Variants in UNC79 observed in about 807,000 individuals in gnomAD.
UNC79 encodes the protein protein unc-79 homolog.
Under a neutral mutation model 283.1 loss-of-function variants are expected in UNC79, and 37 were observed. That is an observed-to-expected ratio of 0.13 (90% CI 0.10 to 0.17). UNC79 has a LOEUF of 0.17. UNC79 is among the 10% of genes least tolerant of loss of function. UNC79 has a pLI of 1.00. For synonymous variants in UNC79, 1,107 were observed against 1,200.2 expected, an observed-to-expected ratio of 0.92 and a Z score of 1.61; for missense variants, 2,272 against 3,211.1, an observed-to-expected ratio of 0.71 and a Z score of 7.07.
chr14:93,694,621 A>G (rs1479484485), intron 47 of UNC79, among the ~76,000 whole-genome samples: 1 of 152,182 alleles, frequency 6.6e-6, no homozygotes, highest in Non-Finnish European at 1.5e-5. Context: ...CCTGGGTTAA[A>G]TCTATCAGAC....
At chr14:93,513,820 T>G (rs1225836931) in intron 7 of UNC79, among the ~76,000 whole-genome samples, 1 of 152,232 alleles carries the variant, frequency 6.6e-6, no homozygotes, top group Admixed American at 6.5e-5. Flanking sequence ...TCTGCCCTTC[T>G]CTTCCCAAGG....
chr14:93,559,731 C>CG (rs2062425873), intron 14 of UNC79, among the ~76,000 whole-genome samples: 1 of 152,056 alleles, frequency 6.6e-6, no homozygotes, highest in Admixed American at 6.6e-5. Context: ...AGGCAGGAAC[C>CG]GACCATTTTC....
intron 1 of UNC79, among the ~76,000 whole-genome samples, chr14:93,404,624 A>G (rs1044215465): frequency 1.3e-5 from 2 of 148,496 alleles, no homozygotes; most frequent in African/African-American, 4.9e-5. Context: ...GAGATTACAG[A>G]AAAATTTATA....
rs71129655 is a variant in UNC79 at position 93,698,476 on chromosome 14, G to GTTTTTTTTTTTT, written c.7548+4080_7548+4091dup. 2.3e-4 allele frequency among the ~76,000 whole-genome samples: 18 copies of GTTTTTTTTTTTT among 79,112 alleles called. 4 individuals carry two copies. The highest frequency in any genetic ancestry group is 3.3e-4 in the Non-Finnish European group (13 of 39,090). The allele number at this position is 79,112 out of a possible 152,430, so 51.9% of individuals were successfully genotyped here. A position where few individuals can be genotyped will look rare whatever the true frequency, so the allele number is the denominator to read the frequency against. ...TGGTAATATTTTTAGTTTAGTTTAG[G>GTTTTTTTTTTTT]TTTTTTTTTTTTTTTTTTTTTTTTT... is the stretch of plus-strand genomic sequence containing the variant. On this transcript the variant is annotated intron_variant, in intron 47 of 48. Coordinates refer to ENST00000555664, the Ensembl canonical transcript of UNC79.
Position 93,563,570 on chromosome 14 carries a change from G to T in UNC79, c.1756-8324G>T, listed in dbSNP as rs543653984. On this transcript the variant is annotated intron_variant, in intron 14 of 48. Coordinates refer to ENST00000555664, the Ensembl canonical transcript of UNC79. ...GCTTGCTGAGAGGTAGTGCAGCGGG[G>T]GCAGAGCAGTAGCCTCAATGATAGA... is the stretch of plus-strand genomic sequence containing the variant. Among the ~76,000 whole-genome samples, 463 of 152,254 alleles carry T rather than the reference G, an allele frequency of 3.0e-3. 1 individual carries two copies. Among genetic ancestry groups the T allele is most frequent in the Non-Finnish European group, 5.2e-3 (356 of 68,018 alleles).
At chr14:93,661,204 T>G (rs1566880352) in intron 39 of UNC79, among the ~76,000 whole-genome samples, 1 of 152,232 alleles carries the variant, frequency 6.6e-6, no homozygotes, top group Non-Finnish European at 1.5e-5. Flanking sequence ...TTATTTATAG[T>G]AAAATGTGAC....
chr14:93,549,457 A>G (rs1049766082), intron 14 of UNC79, among the ~76,000 whole-genome samples: 75 of 152,228 alleles, frequency 4.9e-4, no homozygotes, highest in Non-Finnish European at 2.6e-4. Flanking sequence ...CAACAATATT[A>G]TACTTGTCTC....
rs374245787 is a variant in UNC79 at position 93,647,445 on chromosome 14, G to A, written c.6083+799G>A. On this transcript the variant is annotated intron_variant, in intron 35 of 48. Coordinates refer to ENST00000555664, the Ensembl canonical transcript of UNC79. ...AATGGTCAAGGACAGCATTTTTGAG[G>A]AGGTAATATTTGAACAAAACATGAA... is the stretch of plus-strand genomic sequence containing the variant. 1.8e-4 allele frequency among the ~76,000 whole-genome samples: 28 copies of A among 152,334 alleles called. No homozygotes were observed. The South Asian group carries it at 2.1e-3, about 11-fold the overall frequency.
intron 38 of UNC79, among the ~76,000 whole-genome samples, chr14:93,658,531 C>T (rs933796115): frequency 2.0e-5 from 3 of 152,172 alleles, no homozygotes; most frequent in Non-Finnish European, 4.4e-5. Context: ...CTTGCTGTAA[C>T]GTTTACCCCC....
chr14:93,362,287 T>C (rs539811523), intron 1 of UNC79, among the ~76,000 whole-genome samples: 7 of 152,320 alleles, frequency 4.6e-5, no homozygotes, highest in African/African-American at 1.2e-4. Flanking sequence ...ATATGTCTGG[T>C]ATAATTCAGC....
In UNC79 at chr14:93,637,310, T is replaced by C. The variant is rs78760904; in HGVS notation, c.5800+11T>C. 5.0e-6 allele frequency: 8 copies of C among 1,613,442 alleles called. No individual in the cohort carries two copies. Among genetic ancestry groups the C allele is most frequent in the Admixed American group, 3.3e-5 (2 of 59,884 alleles). On this transcript the variant is annotated intron_variant, in intron 32 of 48. Transcript: ENST00000555664. Reference sequence around the variant, plus strand: ...CATTGAGGATGAGAGGTTAGTTGAGTCACAGAGTCTCTGGCTGTAAAAGCT... The same window carrying C: ...CATTGAGGATGAGAGGTTAGTTGAGCCACAGAGTCTCTGGCTGTAAAAGCT...
At chr14:93,468,533 G>A (rs1390953925) in intron 2 of UNC79, among the ~76,000 whole-genome samples, 1 of 152,200 alleles carries the variant, frequency 6.6e-6, no homozygotes, top group Non-Finnish European at 1.5e-5. Context: ...ATCTGATTTT[G>A]GCAACACATA....
intron 30 of UNC79, among the ~76,000 whole-genome samples, chr14:93,627,573 C>A (rs536943467): frequency 1.3e-5 from 2 of 152,196 alleles, no homozygotes; most frequent in Non-Finnish European, 2.9e-5. Context: ...CACAAAAGAA[C>A]AAGCCGTGTT....
At chr14:93,397,654 C>A (rs576853796) in intron 1 of UNC79, among the ~76,000 whole-genome samples, 3 of 152,148 alleles carry the variant, frequency 2.0e-5, no homozygotes, top group African/African-American at 7.2e-5. Flanking sequence ...TGAGATGAGC[C>A]TGGGCAACAT....
chr14:93,592,776 A>G (rs901770813), intron 22 of UNC79, among the ~76,000 whole-genome samples: 1 of 152,196 alleles, frequency 6.6e-6, no homozygotes, highest in Non-Finnish European at 1.5e-5. Context: ...ACTAAAATAT[A>G]TTATATTCAG....
intron 26 of UNC79, among the ~76,000 whole-genome samples, chr14:93,608,466 A>G (rs1251017644): frequency 6.6e-6 from 1 of 152,208 alleles, no homozygotes; most frequent in East Asian, 1.9e-4. Flanking sequence ...AGGAAGGAGA[A>G]AAGGCAGGGA....
At chr14:93,706,781 G>T in exon 49 of UNC79, 2 of 1,614,240 alleles carry the variant, frequency 1.2e-6, no homozygotes, top group Non-Finnish European at 1.7e-6. Flanking sequence ...GGACGCTGCC[G>T]GGCTCGGGCC....
chr14:93,359,094 C>G (rs1192961003), intron 1 of UNC79, among the ~76,000 whole-genome samples: 1 of 152,110 alleles, frequency 6.6e-6, no homozygotes, highest in East Asian at 1.9e-4. Flanking sequence ...TGATTTGGGC[C>G]AATAAATAGG....
chr14:93,615,331 C>T (rs771258144), intron 27 of UNC79, among the ~76,000 whole-genome samples: 13 of 152,038 alleles, frequency 8.6e-5, no homozygotes, highest in African/African-American at 1.9e-4. Flanking sequence ...GATGGATCAC[C>T]GCTTTTTCTC....
Sources: gnomAD v4.1 joint callset for allele counts (sites outside exome capture counted in the v4.1 genomes callset) on GRCh38, gnomAD v4.1.1 for gene constraint, MANE v1.5 for transcripts, NCBI Gene and HGNC (gene_info 2026-07-23, HGNC 2026-07-21) for gene names.